The following KCNQ2 variants were observed in gnomAD, a reference collection of about 807,000 sequenced individuals.
KCNQ2 encodes potassium voltage-gated channel subfamily KQT member 2.
A neutral mutation model predicts 84.8 loss-of-function variants in KCNQ2; 14 were observed. The observed-to-expected ratio is 0.17, with a 90% CI of 0.11 to 0.26. The LOEUF is 0.26. Ranked by LOEUF, KCNQ2 falls within the 10% of genes least tolerant of loss-of-function variation. KCNQ2 has a pLI of 1.00. For missense variants in KCNQ2, 788 were observed against 1,254.0 expected (o/e 0.63, Z 5.61); for synonymous variants, 599 against 554.1 (o/e 1.08, Z -1.14).
rs1801475 is a variant in KCNQ2, at chr20:63,406,924, T to G, written c.2339A>C (p.Asn780Thr). ...DTPGCRPPEG[N>T]LRDSDTSISI... ...GATGGACGTGTCGCTGTCCCGCAGG[T>G]TCCCCTCGGGGGGCCTGCAGCCCGG... Residue 780 changes from asparagine (N) to threonine (T), a missense_variant, in exon 17 of 17, where the codon AAC (asparagine) becomes ACC (threonine). By Grantham distance (65) the Asn-to-Thr change is moderately conservative. Transcript: ENST00000359125. The G allele has an allele frequency of 0.64, 1,022,494 of 1,604,550 alleles. 328,384 individuals carry two copies. Among genetic ancestry groups the G allele is most frequent in the Non-Finnish European group, 0.66 (775,859 of 1,177,176 alleles).
At chr20:63,455,509 C>T (rs912007520) in intron 1 of KCNQ2, among the ~76,000 whole-genome samples, 37 of 152,266 alleles carry the variant, frequency 2.4e-4, no homozygotes, top group African/African-American at 7.9e-4. Flanking sequence ...TCAGGCACCC[C>T]GAATGCAGTC....
chr20:63,418,598 C>T (rs953293927), intron 12 of KCNQ2, among the ~76,000 whole-genome samples: 1 of 152,220 alleles, frequency 6.6e-6, no homozygotes, highest in Admixed American at 6.5e-5. Flanking sequence ...ACCTCAGCCC[C>T]TGCCCTGAGG....
At chr20:63,422,663 G>A (rs2080508427) in intron 11 of KCNQ2, 1 of 152,488 alleles carries the variant, frequency 6.6e-6, no homozygotes, top group Admixed American at 6.5e-5. Context: ...CAAAGAGAGG[G>A]CAGACGAGAG....
rs183623103 is a variant in KCNQ2 at position 63,451,915 on chromosome 20, G to A, written c.297-5078C>T. 3.3e-5 allele frequency among the ~76,000 whole-genome samples: 5 copies of A among 152,350 alleles called. No individual in the cohort carries two copies. In the East Asian group the frequency reaches 5.8e-4, roughly 18 times the overall value. ...CCAGGGCGTCCAGGGCAGGGAAGGC[G>A]GGGCACAGGGTGGTCCTCCCAAGAT... On this transcript the variant is annotated intron_variant, in intron 1 of 16. Coordinates refer to ENST00000359125, the MANE Select transcript of KCNQ2 (RefSeq NM_172107.4).
chr20:63,443,010 C>CCATCACCACCACCATCA (rs1170931337), intron 4 of KCNQ2, among the ~76,000 whole-genome samples: 1 of 33,282 alleles, frequency 3.0e-5, no homozygotes, highest in Non-Finnish European at 6.6e-5. Context: ...ACCACCATCA[C>CCATCACCACCACCATCA]CATCACCACC....
intron 1 of KCNQ2, among the ~76,000 whole-genome samples, chr20:63,452,692 T>A (rs1490455906): frequency 6.6e-6 from 1 of 152,202 alleles, no homozygotes; most frequent in African/African-American, 2.4e-5. Context: ...ACACCCTGAC[T>A]GATGCTGAAG....
intron 9 of KCNQ2, among the ~76,000 whole-genome samples, chr20:63,429,063 G>A (rs545161497): frequency 2.7e-5 from 4 of 150,622 alleles, no homozygotes; most frequent in South Asian, 2.1e-4. Flanking sequence ...CTGCCCTGCC[G>A]CCCACAGCCA....
intron 7 of KCNQ2, chr20:63,434,175 G>A (rs145995409): frequency 1.9e-6 from 1 of 519,282 alleles, no homozygotes; most frequent in Non-Finnish European, 3.4e-6. Context: ...GAGCGAGCTC[G>A]CAGGGAGGCT....
chr20:63,435,471 C>CT (rs542603581), intron 7 of KCNQ2, among the ~76,000 whole-genome samples: 225 of 151,954 alleles, frequency 1.5e-3, no homozygotes, highest in African/African-American at 5.2e-3. Context: ...GGATAAAACT[C>CT]TAACAGGTGA....
chr20:63,414,219 G>A lies in KCNQ2; in HGVS notation c.1526-26C>T. 3.3e-6 allele frequency: 5 copies of A among 1,521,118 alleles called. No homozygotes were observed. The highest frequency in any genetic ancestry group is 4.6e-6 in the Non-Finnish European group (5 of 1,096,642). The allele number at this position is 1,521,118 out of a possible 1,614,324, so 94.2% of individuals were successfully genotyped here. On this transcript the variant is annotated intron_variant, in intron 13 of 16. Transcript: ENST00000359125. The surrounding 1 kb of genome is among the most constrained non-coding windows in gnomAD (Gnocchi z 6.6). The stretch of plus-strand genomic sequence containing the variant: ...CTGGGGGGAAGGAGACAGGCCGTGA[G>A]GGGCCGAGGGGGCCGGGAGACCTAT...
chr20:63,411,150 G>C, intron 15 of KCNQ2: 2 of 386,844 alleles, frequency 5.2e-6, no homozygotes, highest in East Asian at 1.5e-4. Context: ...AGCTGCTGGA[G>C]CGCACGCCTG....
chr20:63,461,949 T>G (rs1396707319), intron 1 of KCNQ2, among the ~76,000 whole-genome samples: 3 of 98,452 alleles, frequency 3.0e-5, no homozygotes, highest in South Asian at 4.5e-4. Flanking sequence ...GGGAGGAGGC[T>G]GCATCTACCC....
chr20:63,448,783 G>A (rs770875732), intron 1 of KCNQ2, among the ~76,000 whole-genome samples: 14 of 151,876 alleles, frequency 9.2e-5, no homozygotes, highest in African/African-American at 3.1e-4. Flanking sequence ...GCCCGGATAC[G>A]CCCACCCCTG....
chr20:63,430,420 G>A (rs561177359), intron 9 of KCNQ2, among the ~76,000 whole-genome samples: 1 of 152,320 alleles, frequency 6.6e-6, no homozygotes, highest in Admixed American at 6.5e-5. Flanking sequence ...TGGGAATGGA[G>A]AGTCAACATT....
Position 63,472,197 on chromosome 20 carries a change from G to A in KCNQ2, c.267C>T (p.Arg89=). Residue 89 remains arginine, a synonymous_variant, in exon 1 of 17, where the codon CGC becomes CGT. Transcript: ENST00000359125. Reference sequence around the variant, plus strand: ...AGGCGTGGTAGATGAACGCCCAGCCGCGCGGCCGCTCCAGCACGTTGTAGA... The same window carrying A: ...AGGCGTGGTAGATGAACGCCCAGCCACGCGGCCGCTCCAGCACGTTGTAGA... ...NFLYNVLERP[R]GWAFIYHAYV... is the part of the protein sequence containing the mutation. 2 of 1,535,560 alleles carry A rather than the reference G, an allele frequency of 1.3e-6. No individual in the cohort carries two copies. The highest frequency in any genetic ancestry group is 1.8e-6 in the Non-Finnish European group (2 of 1,142,328).
rs537886004 is a variant in KCNQ2 at position 63,414,832 on chromosome 20, G to A, written c.1525+71C>T. ...AAAAGCAGCTGCGACGCCACAGGGT[G>A]GCCACAGTAGCGTGGCCACCACATC... On this transcript the variant is annotated intron_variant, in intron 13 of 16. Transcript: ENST00000359125. The surrounding 1 kb of genome is among the most constrained non-coding windows in gnomAD (Gnocchi z 6.6). 4 of 1,461,270 alleles carry A rather than the reference G, an allele frequency of 2.7e-6. No homozygotes were observed. In the South Asian group the frequency reaches 3.4e-5, roughly 12 times the overall value. 90.5% of individuals were successfully genotyped at this position (1,461,270 alleles called of 1,614,324 possible). A position where few individuals can be genotyped will look rare whatever the true frequency, so the allele number is the denominator to read the frequency against.
At chr20:63,442,338 C>A in intron 5 of KCNQ2, 68 bp downstream of exon 5, 1 of 1,611,814 alleles carries the variant, frequency 6.2e-7, no homozygotes, top group South Asian at 1.1e-5. Context: ...CCAGTGAGAG[C>A]CTGGTCCCAG....
intron 1 of KCNQ2, among the ~76,000 whole-genome samples, chr20:63,452,769 C>T (rs2081651530): frequency 6.6e-6 from 1 of 152,176 alleles, no homozygotes; most frequent in Non-Finnish European, 1.5e-5. Flanking sequence ...AGGCCACACA[C>T]CTGCCCAGGA....
intron 5 of KCNQ2, among the ~76,000 whole-genome samples, chr20:63,441,812 C>T (rs561307209): frequency 6.6e-6 from 1 of 152,368 alleles, no homozygotes; most frequent in East Asian, 1.9e-4. Context: ...GCTTAGGCAC[C>T]AGGTGGAGCT....
Sources: gnomAD v4.1 joint callset for allele counts (sites outside exome capture counted in the v4.1 genomes callset) on GRCh38, gnomAD v4.1.1 for gene constraint, Gnocchi (gnomAD v3.1) non-coding constraint, MANE v1.5 for transcripts, NCBI Gene and HGNC (gene_info 2026-07-23, HGNC 2026-07-21) for gene names.